Variants in PTPN2 observed in about 807,000 individuals in gnomAD.
The protein encoded by PTPN2 is protein tyrosine phosphatase non-receptor type 2.
A neutral mutation model predicts 57.3 loss-of-function variants in PTPN2; 19 were observed. The observed-to-expected ratio is 0.33, with a 90% CI of 0.23 to 0.49. The LOEUF (loss-of-function observed/expected upper bound fraction) is 0.49, where lower values mean the gene tolerates loss of function less well. Among genes scored for constraint, PTPN2 ranks in the 20% least tolerant of loss-of-function variants. The pLI, the probability that PTPN2 is intolerant of heterozygous loss-of-function variation, is 0.99. For missense variants in PTPN2, 358 were observed against 501.1 expected (o/e 0.71, Z 2.73); for synonymous variants, 153 against 164.9 (o/e 0.93, Z 0.55).
chr18:12,883,744 G>A lies in PTPN2; in HGVS notation c.69+329C>T, dbSNP rs60287618. 1,182 of 231,376 alleles carry A rather than the reference G, an allele frequency of 5.1e-3. 23 individuals carry two copies. The highest frequency in any genetic ancestry group is 0.037 in the East Asian group (438 of 11,978). The allele number at this position is 231,376 out of a possible 1,614,324, so 14.3% of individuals were successfully genotyped here. On this transcript the variant is annotated intron_variant, in intron 1 of 8. Transcript: ENST00000309660. ...CCGAGCGCCCCCACGGCTTTCCCAA[G>A]GACCCCCAGACCCGGGCCGCGCAAC... is the stretch of plus-strand genomic sequence containing the variant.
chr18:12,805,967 G>GT lies in PTPN2; in HGVS notation c.859-3817dup, dbSNP rs558969469. Among the ~76,000 whole-genome samples, 13 of 152,102 alleles carry GT rather than the reference G, an allele frequency of 8.5e-5. No homozygotes were observed. In the South Asian group the frequency reaches 2.7e-3, roughly 32 times the overall value. On this transcript the variant is annotated intron_variant, in intron 7 of 8. Transcript: ENST00000309660. Reference sequence around the variant, plus strand: ...CAACACTTTTATTCAGCATAATACTGTAAGTCCTAGCCAGAGCAATTAGCT... The same window carrying GT: ...CAACACTTTTATTCAGCATAATACTGTTAAGTCCTAGCCAGAGCAATTAGCT...
intron 2 of PTPN2, among the ~76,000 whole-genome samples, chr18:12,856,221 G>A (rs2145463591): frequency 6.6e-6 from 1 of 152,378 alleles, no homozygotes; most frequent in African/African-American, 2.4e-5. Flanking sequence ...GAAGTCAGGA[G>A]AGGAGAGGTG....
intron 2 of PTPN2, among the ~76,000 whole-genome samples, chr18:12,837,342 T>C (rs1568131333): frequency 6.6e-6 from 1 of 152,170 alleles, no homozygotes; most frequent in Admixed American, 6.5e-5. Flanking sequence ...AATTCCACTA[T>C]ATTTAAATAA....
intron 1 of PTPN2, chr18:12,862,512 T>C (rs554155287): frequency 6.6e-6 from 1 of 152,410 alleles, no homozygotes; most frequent in African/African-American, 2.4e-5. Flanking sequence ...CAGACCACAA[T>C]GAGCCCAGCT....
downstream of PTPN2, chr18:12,787,723 A>G (rs1175606084): frequency 3.3e-5 from 5 of 152,232 alleles, no homozygotes; most frequent in Non-Finnish European, 7.3e-5. Context: ...GCTCCATTTT[A>G]GAAAATTCTA....
chr18:12,792,856 G>A lies in PTPN2; in HGVS notation c.*1422C>T. ...TCTGCCCACTTCAGCCTCCCAAAGTGCTGGGATTACAGGCATGAGCCACCG... is the reference window on the plus strand; with the variant it reads ...TCTGCCCACTTCAGCCTCCCAAAGTACTGGGATTACAGGCATGAGCCACCG... On this transcript the variant is annotated 3_prime_UTR_variant, in exon 9 of 9. Transcript: ENST00000309660. The A allele has an allele frequency of 1.1e-6, 1 of 908,158 alleles. No individual in the cohort carries two copies. The highest frequency in any genetic ancestry group is 1.3e-6 in the Non-Finnish European group (1 of 759,706). 56.3% of individuals were successfully genotyped at this position (908,158 alleles called of 1,614,324 possible).
At chr18:12,797,582 T>A (rs959715974) in intron 8 of PTPN2, among the ~76,000 whole-genome samples, 1 of 152,186 alleles carries the variant, frequency 6.6e-6, no homozygotes, top group Non-Finnish European at 1.5e-5. Flanking sequence ...CATGCCTGTA[T>A]CTAATTTAAG....
chr18:12,793,272 T>C lies in PTPN2; in HGVS notation c.*1006A>G, dbSNP rs2041037995. The C allele has an allele frequency of 1.0e-6, 1 of 972,942 alleles. No homozygotes were observed. The highest frequency in any genetic ancestry group is 1.2e-6 in the Non-Finnish European group (1 of 818,330). 60.3% of individuals were successfully genotyped at this position (972,942 alleles called of 1,614,324 possible). On this transcript the variant is annotated 3_prime_UTR_variant, in exon 9 of 9. Coordinates refer to ENST00000309660, the MANE Select transcript of PTPN2 (RefSeq NM_002828.4). ...GTAAGGTTTGCATATAATCATACTA[T>C]TTATTGAAGTAGAAAGAAACTGAAA...
intron 2 of PTPN2, among the ~76,000 whole-genome samples, chr18:12,842,323 C>A (rs575321741): frequency 9.7e-4 from 147 of 152,286 alleles, no homozygotes; most frequent in Non-Finnish European, 1.8e-3. Flanking sequence ...CATCCAAAGG[C>A]CCATGAGACA....
intron 1 of PTPN2, among the ~76,000 whole-genome samples, chr18:12,867,845 TTTCTTTTC>T (rs1417221545): frequency 8.6e-6 from 1 of 116,920 alleles, no homozygotes; most frequent in African/African-American, 5.6e-5. Context: ...CTGTTCTCAG[TTTCTTTTC>T]TTTTCTCCAC....
Position 12,840,823 on chromosome 18 carries a change from C to T in PTPN2, c.161-3932G>A, listed in dbSNP as rs779625686. 1.1e-5 allele frequency: 18 copies of T among 1,597,742 alleles called. No homozygotes were observed. In the African/African-American group the frequency reaches 2.1e-4, roughly 19 times the overall value. ...GCTGACATCACCTTTTCACGTTGCTCTCCACTCAGGTGTGACTTCCAACTC... is the reference window on the plus strand; with the variant it reads ...GCTGACATCACCTTTTCACGTTGCTTTCCACTCAGGTGTGACTTCCAACTC... On this transcript the variant is annotated intron_variant, in intron 2 of 8. Transcript: ENST00000309660.
chr18:12,819,270 A>G, intron 5 of PTPN2: 1 of 1,445,014 alleles, frequency 6.9e-7, no homozygotes, highest in Non-Finnish European at 9.2e-7. Context: ...GTGATCCACA[A>G]GTTCTCAATA....
downstream of PTPN2, among the ~76,000 whole-genome samples, chr18:12,790,655 C>A (rs1317555443): frequency 6.6e-6 from 1 of 152,218 alleles, no homozygotes; most frequent in African/African-American, 2.4e-5. Context: ...TTTGAACTGA[C>A]TGTTGAAAGC....
intron 1 of PTPN2, among the ~76,000 whole-genome samples, chr18:12,870,373 A>G (rs1224826286): frequency 3.1e-5 from 2 of 64,032 alleles, no homozygotes; most frequent in African/African-American, 2.7e-4. Flanking sequence ...GTGTATATAT[A>G]CATATATATA....
chr18:12,839,092 T>C (rs911303858), intron 2 of PTPN2, among the ~76,000 whole-genome samples: 1 of 151,630 alleles, frequency 6.6e-6, no homozygotes. Context: ...AAATAACTAT[T>C]GCAAAAGATT....
chr18:12,809,488 A>G (rs891651521), intron 7 of PTPN2, among the ~76,000 whole-genome samples: 13 of 152,340 alleles, frequency 8.5e-5, no homozygotes, highest in Middle Eastern at 3.4e-3. Flanking sequence ...ATCCCCATCT[A>G]TGTATCTGCC....
intron 1 of PTPN2, among the ~76,000 whole-genome samples, chr18:12,865,816 A>G (rs1323464492): frequency 1.3e-5 from 2 of 151,900 alleles, no homozygotes; most frequent in Non-Finnish European, 2.9e-5. Context: ...CCACTCCCAA[A>G]AAAAAAACCA....
intron 2 of PTPN2, among the ~76,000 whole-genome samples, chr18:12,856,748 C>T (rs1025474428): frequency 1.3e-5 from 2 of 152,086 alleles, no homozygotes; most frequent in African/African-American, 2.4e-5. Context: ...TAAAATAAAA[C>T]ATCTCAATTC....
intron 1 of PTPN2, among the ~76,000 whole-genome samples, chr18:12,868,678 A>C (rs1273380792): frequency 6.7e-6 from 1 of 149,826 alleles, no homozygotes; most frequent in Non-Finnish European, 1.5e-5. Context: ...TCACGTTTGT[A>C]ATTCCAGCAC....
Sources: gnomAD v4.1 joint callset for allele counts (sites outside exome capture counted in the v4.1 genomes callset) on GRCh38, gnomAD v4.1.1 for gene constraint, MANE v1.5 for transcripts, NCBI Gene and HGNC (gene_info 2026-07-23, HGNC 2026-07-21) for gene names.